The following PCDHGA1 variants were observed in gnomAD, a reference collection of about 807,000 sequenced individuals.
The protein encoded by PCDHGA1 is protocadherin gamma subfamily A, 1.
A neutral mutation model predicts 58.0 loss-of-function variants in PCDHGA1; 32 were observed. The observed-to-expected ratio is 0.55, with a 90% CI of 0.42 to 0.74. The LOEUF (loss-of-function observed/expected upper bound fraction) is 0.74, where lower values mean the gene tolerates loss of function less well. Among genes scored for constraint, PCDHGA1 ranks in the 30% least tolerant of loss-of-function variants. The pLI is 0.00. For synonymous variants in PCDHGA1, 498 were observed against 501.1 expected (o/e 0.99, Z 0.08); for missense variants, 1,205 against 1,182.3 (o/e 1.02, Z -0.28).
intron 1 of PCDHGA1, chr5:141,346,361 G>C: frequency 1.9e-6 from 3 of 1,614,220 alleles, no homozygotes; most frequent in Non-Finnish European, 2.5e-6. Context: ...CCAACTATGC[G>C]GACACGCTCA....
chr5:141,382,569 T>G (rs72790022), intron 1 of PCDHGA1, among the ~76,000 whole-genome samples: 9,817 of 152,272 alleles, frequency 0.064, 368 homozygotes, highest in African/African-American at 0.1. Flanking sequence ...CAAAGAAATC[T>G]AACAGGGAAA....
rs2099648980 is a variant in PCDHGA1 at position 141,487,537 on chromosome 5, G to A, written c.2422-7270G>A. ...CTCGGAGTGATAGCTTCATGATGGT[G>A]AAGTCACCCAGTGCACCTATGGCAG... On this transcript the variant is annotated intron_variant, in intron 1 of 3. Transcript: ENST00000517417. The surrounding 1 kb of genome is among the most constrained non-coding windows in gnomAD (Gnocchi z 5.0). The A allele has an allele frequency of 1.2e-6, 2 of 1,614,188 alleles. No individual in the cohort carries two copies. Among genetic ancestry groups the A allele is most frequent in the Admixed American group, 1.7e-5 (1 of 60,028 alleles).
chr5:141,335,527 G>A (rs11954562), intron 1 of PCDHGA1, among the ~76,000 whole-genome samples: 28,107 of 151,934 alleles, frequency 0.18, 2,778 homozygotes, highest in African/African-American at 0.24. Flanking sequence ...AGAAAATACC[G>A]GAATATTTAA....
intron 1 of PCDHGA1, chr5:141,403,027 G>A: frequency 6.2e-7 from 1 of 1,614,070 alleles, no homozygotes; most frequent in East Asian, 2.2e-5. Context: ...TGCTATGGGA[G>A]GCCAGGGCCA....
At chr5:141,502,512 T>C (rs1029375922) in intron 2 of PCDHGA1, among the ~76,000 whole-genome samples, 2 of 152,212 alleles carry the variant, frequency 1.3e-5, no homozygotes, top group East Asian at 1.9e-4. Context: ...CCTGTCCCAC[T>C]ATCAGTGATG....
chr5:141,427,087 A>T, intron 1 of PCDHGA1: 1 of 458,198 alleles, frequency 2.2e-6, no homozygotes, highest in Non-Finnish European at 4.4e-6. Flanking sequence ...ACTGACCAGG[A>T]TGAGGGTGTC....
At chr5:141,467,008 AT>A (rs1165146249) in intron 1 of PCDHGA1, among the ~76,000 whole-genome samples, 2 of 150,270 alleles carry the variant, frequency 1.3e-5, no homozygotes, top group Non-Finnish European at 3.0e-5. Context: ...TTGCAATGCA[AT>A]TTTTTTCCCT....
chr5:141,377,884 G>C (rs975063251), intron 1 of PCDHGA1: 1 of 152,112 alleles, frequency 6.6e-6, no homozygotes, highest in Non-Finnish European at 1.5e-5. Flanking sequence ...ATCAGAGATA[G>C]GATCCCCCTC....
Position 141,408,609 on chromosome 5 carries a change from A to T in PCDHGA1, c.2421+75504A>T, listed in dbSNP as rs765291231. 3 of 1,613,970 alleles carry T rather than the reference A, an allele frequency of 1.9e-6. No homozygotes were observed. The highest frequency in any genetic ancestry group is 2.5e-6 in the Non-Finnish European group (3 of 1,179,916). On this transcript the variant is annotated intron_variant, in intron 1 of 3. Coordinates refer to ENST00000517417, the MANE Select transcript of PCDHGA1 (RefSeq NM_018912.3). ...GACCACGCCCCTCAATTTGATAAAA[A>T]GGAAATACATTTAGAAATTTTCGAA...
chr5:141,361,749 C>A (rs1334871182), intron 1 of PCDHGA1: 1 of 1,612,938 alleles, frequency 6.2e-7, no homozygotes, highest in African/African-American at 1.3e-5. Context: ...GCGACCAGGG[C>A]TCGCCCGCGC....
Position 141,476,605 on chromosome 5 carries a change from T to C in PCDHGA1, c.2422-18202T>C, listed in dbSNP as rs1394742940. ...CGCTCGAGAGCGCGCACGATCCCGATGTGGGAAGCAACTCTTTACAAACCT... is the reference window on the plus strand; with the variant it reads ...CGCTCGAGAGCGCGCACGATCCCGACGTGGGAAGCAACTCTTTACAAACCT... On this transcript the variant is annotated intron_variant, in intron 1 of 3. Transcript: ENST00000517417. This position sits in a 1 kb window ranked among gnomAD's most constrained non-coding sequence, Gnocchi z 7.6. 1.9e-6 allele frequency: 3 copies of C among 1,614,066 alleles called. No individual in the cohort carries two copies. In the East Asian group the frequency reaches 6.7e-5, roughly 36 times the overall value.
intron 1 of PCDHGA1, among the ~76,000 whole-genome samples, chr5:141,464,440 T>C (rs566597587): frequency 6.6e-6 from 1 of 151,608 alleles, no homozygotes; most frequent in South Asian, 2.1e-4. Context: ...TATATGTTTG[T>C]TGTTGTTGTT....
At chr5:141,357,754 G>A in intron 1 of PCDHGA1, 1 of 1,082,694 alleles carries the variant, frequency 9.2e-7, no homozygotes, top group Non-Finnish European at 1.3e-6. Context: ...AAGAAAACTG[G>A]TGGATGACCT....
intron 1 of PCDHGA1, chr5:141,422,520 G>A (rs759529752): frequency 1.9e-6 from 3 of 1,613,946 alleles, no homozygotes; most frequent in South Asian, 2.2e-5. Flanking sequence ...AGGGAAGCCC[G>A]CCTTTGTCTG....
intron 2 of PCDHGA1, among the ~76,000 whole-genome samples, chr5:141,500,815 A>G (rs2099802742): frequency 6.6e-6 from 1 of 152,196 alleles, no homozygotes; most frequent in African/African-American, 2.4e-5. Context: ...ATGAATATAC[A>G]TATTATTTTT....
chr5:141,397,910 C>T lies in PCDHGA1; in HGVS notation c.2421+64805C>T. 5 of 680,806 alleles carry T rather than the reference C, an allele frequency of 7.3e-6. No individual in the cohort carries two copies. The South Asian group carries it at 8.1e-5, about 11-fold the overall frequency. 42.2% of individuals were successfully genotyped at this position (680,806 alleles called of 1,614,324 possible). On this transcript the variant is annotated intron_variant, in intron 1 of 3. Transcript: ENST00000517417. ...TGGCCAAAGTGCAGAGCTTGGCGCT[C>T]CAGATCTCCTCGCGCAGCCGCAGCG...
intron 1 of PCDHGA1, among the ~76,000 whole-genome samples, chr5:141,447,098 A>G (rs2098525979): frequency 6.6e-6 from 1 of 151,934 alleles, no homozygotes. Flanking sequence ...TTTCTTTCAC[A>G]TGATTATATG....
intron 1 of PCDHGA1, chr5:141,364,724 C>T (rs772314048): frequency 9.3e-6 from 15 of 1,613,892 alleles, no homozygotes; most frequent in South Asian, 7.7e-5. Flanking sequence ...TAACTTCCCG[C>T]GTTTCCGGGA....
At chr5:141,365,004 C>T (rs746525916) in intron 1 of PCDHGA1, 10 of 1,613,936 alleles carry the variant, frequency 6.2e-6, no homozygotes, top group South Asian at 4.4e-5. Flanking sequence ...CTCTCCGGCA[C>T]CACGCACATC....
Sources: allele counts gnomAD v4.1 joint callset (sites outside exome capture counted in the v4.1 genomes callset), GRCh38; gene constraint gnomAD v4.1.1; non-coding constraint Gnocchi (gnomAD v3.1); transcripts MANE v1.5; gene names NCBI Gene and HGNC (gene_info 2026-07-23, HGNC 2026-07-21).